TENM3: variants seen among roughly 807,000 people sequenced by gnomAD.
TENM3 encodes teneurin transmembrane protein 3.
In TENM3, 63 loss-of-function variants were observed where a neutral mutation model predicts 255.1. The ratio of observed to expected loss-of-function variants is 0.25; its 90% CI spans 0.20 to 0.30. TENM3 has a LOEUF of 0.30. Ranked by LOEUF, TENM3 falls within the 10% of genes least tolerant of loss-of-function variation. The pLI is 1.00. For missense variants in TENM3, 2,929 were observed against 3,461.1 expected (o/e 0.85, Z 3.86); for synonymous variants, 1,306 against 1,322.3 (o/e 0.99, Z 0.27).
Position 182,470,798 on chromosome 4 carries a change from A to G in TENM3, c.511+123869A>G, listed in dbSNP as rs905907091. On this transcript the variant is annotated intron_variant, in intron 3 of 27. Coordinates refer to ENST00000511685, the MANE Select transcript of TENM3 (RefSeq NM_001080477.4). ...TTTCAATGTTGTAAGTCATTAGAGAACTAGCCTCAAACCAAAACTCTCCAT... is the reference window on the plus strand; with the variant it reads ...TTTCAATGTTGTAAGTCATTAGAGAGCTAGCCTCAAACCAAAACTCTCCAT... Among the ~76,000 whole-genome samples the G allele has an allele frequency of 3.9e-5, 6 of 152,154 alleles. No individual in the cohort carries two copies. The South Asian group carries it at 1.0e-3, about 26-fold the overall frequency.
At chr4:182,083,821 A>G in the TENM3 span, among the ~76,000 whole-genome samples, 1 of 152,162 alleles carries the variant, frequency 6.6e-6, no homozygotes, top group African/African-American at 2.4e-5. Flanking sequence ...TTTTGAGAAG[A>G]GTTGGTCTCC....
the TENM3 span, among the ~76,000 whole-genome samples, chr4:181,972,566 A>T: frequency 6.6e-6 from 1 of 152,174 alleles, no homozygotes; most frequent in Non-Finnish European, 1.5e-5. Context: ...GCTAGATGAC[A>T]CTTTAGGGAG....
chr4:181,923,099 A>C, the TENM3 span, among the ~76,000 whole-genome samples: 1 of 152,208 alleles, frequency 6.6e-6, no homozygotes, highest in Non-Finnish European at 1.5e-5. Flanking sequence ...GGTCTGAGAG[A>C]CAGTTTGTTA....
At chr4:182,425,212 G>A (rs1309022717) in intron 3 of TENM3, among the ~76,000 whole-genome samples, 3 of 152,032 alleles carry the variant, frequency 2.0e-5, no homozygotes, top group Admixed American at 2.0e-4. Context: ...AAATAATTTG[G>A]GTGATTATGT....
chr4:182,217,256 G>C (rs1173070733), intron 1 of TENM3, among the ~76,000 whole-genome samples: 1 of 151,628 alleles, frequency 6.6e-6, no homozygotes, highest in Non-Finnish European at 1.5e-5. Flanking sequence ...CCTGAACTCA[G>C]GTGATCCACC....
intron 5 of TENM3, among the ~76,000 whole-genome samples, chr4:182,643,526 A>G (rs1043009125): frequency 6.6e-6 from 1 of 152,160 alleles, no homozygotes; most frequent in South Asian, 2.1e-4. Context: ...TCTAGTGCAA[A>G]CCCTTCAGAT....
intron 1 of TENM3, among the ~76,000 whole-genome samples, chr4:182,321,351 C>T (rs112749926): frequency 0.15 from 23,344 of 152,092 alleles, 2,012 homozygotes; most frequent in Middle Eastern, 0.2. Context: ...TGGGGCCGGG[C>T]GCGGTGGCTC....
the TENM3 span, among the ~76,000 whole-genome samples, chr4:181,930,363 C>G: frequency 6.6e-6 from 1 of 152,250 alleles, no homozygotes; most frequent in South Asian, 2.1e-4. Context: ...GAAATACAAA[C>G]TACCATCAGA....
intron 3 of TENM3, among the ~76,000 whole-genome samples, chr4:182,423,810 A>T (rs1687154815): frequency 6.6e-6 from 1 of 152,232 alleles, no homozygotes; most frequent in South Asian, 2.1e-4. Flanking sequence ...TGGACTTCTT[A>T]TAAGGCATGA....
chr4:181,668,664 C>A, the TENM3 span, among the ~76,000 whole-genome samples: 1 of 152,104 alleles, frequency 6.6e-6, no homozygotes, highest in African/African-American at 2.4e-5. Flanking sequence ...AGAATGACCT[C>A]ATCTCAACTA....
the TENM3 span, chr4:181,975,139 T>TC: frequency 1.3e-5 from 2 of 148,718 alleles, no homozygotes; most frequent in African/African-American, 2.6e-5. Flanking sequence ...GTAGCTCTTT[T>TC]TTTTTTTTTT....
the TENM3 span, among the ~76,000 whole-genome samples, chr4:181,841,136 G>T: frequency 6.6e-6 from 1 of 151,954 alleles, no homozygotes; most frequent in African/African-American, 2.4e-5. Flanking sequence ...TGTGTATAGG[G>T]TCTTAAATCT....
chr4:181,844,587 G>A, the TENM3 span, among the ~76,000 whole-genome samples: 1 of 151,730 alleles, frequency 6.6e-6, no homozygotes, highest in East Asian at 2.0e-4. Context: ...AGAATGGCGT[G>A]AACCCGGGAG....
At chr4:181,555,514 A>G in the TENM3 span, among the ~76,000 whole-genome samples, 1 of 152,234 alleles carries the variant, frequency 6.6e-6, no homozygotes, top group South Asian at 2.1e-4. Flanking sequence ...TAATTGATAA[A>G]AACAAATAAA....
chr4:181,753,726 G>A, the TENM3 span, among the ~76,000 whole-genome samples: 43 of 152,238 alleles, frequency 2.8e-4, no homozygotes, highest in South Asian at 2.7e-3. Context: ...ACAGTTTTAG[G>A]TCCCAAAAGA....
chr4:182,728,873 GAA>G lies in TENM3; in HGVS notation c.2369-80_2369-79del, dbSNP rs5864796. The G allele has an allele frequency of 0.049, 33,781 of 694,678 alleles. 231 individuals are homozygous for G. Among genetic ancestry groups the G allele is most frequent in the African/African-American group, 0.095 (4,996 of 52,422 alleles). The allele number at this position is 694,678 out of a possible 1,614,324, so 43.0% of individuals were successfully genotyped here. On this transcript the variant is annotated intron_variant, in intron 13 of 27. Transcript: ENST00000511685. ...ATAGTCGGGAGAAATCACTTGATGTGAAAAAAAAAAAAACAGTCAAGAAACAA... is the reference window on the plus strand; with the variant it reads ...ATAGTCGGGAGAAATCACTTGATGTGAAAAAAAAAAACAGTCAAGAAACAA...
At chr4:182,065,760 C>T in the TENM3 span, among the ~76,000 whole-genome samples, 2 of 152,172 alleles carry the variant, frequency 1.3e-5, no homozygotes, top group Non-Finnish European at 2.9e-5. Context: ...TCCTCTGAAA[C>T]GAAATACTGA....
At chr4:181,997,881 G>T in the TENM3 span, among the ~76,000 whole-genome samples, 2 of 152,132 alleles carry the variant, frequency 1.3e-5, no homozygotes, top group African/African-American at 4.8e-5. Flanking sequence ...GGCAAGAACA[G>T]GATTTATAAT....
intron 10 of TENM3, 67 bp downstream of exon 10, chr4:182,680,804 C>A: frequency 7.9e-7 from 1 of 1,262,468 alleles, no homozygotes; most frequent in South Asian, 1.8e-5. Context: ...TATCTGTAAT[C>A]TTTAGTTGGG....
Sources: allele counts gnomAD v4.1 joint callset (sites outside exome capture counted in the v4.1 genomes callset), GRCh38; gene constraint gnomAD v4.1.1; transcripts MANE v1.5; gene names NCBI Gene and HGNC (gene_info 2026-07-23, HGNC 2026-07-21).